The following ZC3H12B variants were observed in gnomAD, a reference collection of about 807,000 sequenced individuals.
ZC3H12B encodes probable ribonuclease ZC3H12B.
In ZC3H12B, 7 loss-of-function variants were observed where a neutral mutation model predicts 43.9. The observed-to-expected ratio is 0.16, with a 90% CI of 0.09 to 0.30. ZC3H12B has a LOEUF of 0.30. Among genes scored for constraint, ZC3H12B ranks in the 10% least tolerant of loss-of-function variants. ZC3H12B has a pLI of 1.00. For missense variants in ZC3H12B, 475 were observed against 670.2 expected, an observed-to-expected ratio of 0.71 and a Z score of 3.22; for synonymous variants, 222 against 241.7, an observed-to-expected ratio of 0.92 and a Z score of 0.76.
chrX:65,317,243 T>A, the ZC3H12B span, among the ~76,000 whole-genome samples: 1 of 90,081 alleles, frequency 1.1e-5, no homozygotes. Flanking sequence ...CATCAAACAA[T>A]CCTCAACCAA....
chrX:65,417,781 C>T (rs750605274), intron 3 of ZC3H12B, among the ~76,000 whole-genome samples: 18 of 112,982 alleles, frequency 1.6e-4, no homozygotes, highest in Non-Finnish European at 3.0e-4. Flanking sequence ...CTGAGCATTT[C>T]ATTCTTTCAG....
intron 2 of ZC3H12B, among the ~76,000 whole-genome samples, chrX:65,389,549 C>A (rs190666660): frequency 1.2e-4 from 13 of 112,631 alleles, no homozygotes; most frequent in African/African-American, 4.2e-4. Flanking sequence ...ATTTCTTTGA[C>A]TAGGAAAGGG....
the ZC3H12B span, among the ~76,000 whole-genome samples, chrX:65,088,558 T>C: frequency 8.9e-6 from 1 of 111,974 alleles, no homozygotes; most frequent in African/African-American, 3.2e-5. Context: ...ATGTGTTCTT[T>C]TTCAGCTTCT....
At chrX:65,199,636 C>T in the ZC3H12B span, among the ~76,000 whole-genome samples, 1 of 110,890 alleles carries the variant, frequency 9.0e-6, no homozygotes, top group Non-Finnish European at 1.9e-5. Flanking sequence ...GTGTTGTTCT[C>T]CACTATGTGT....
the ZC3H12B span, among the ~76,000 whole-genome samples, chrX:65,354,939 C>T: frequency 1.8e-5 from 2 of 111,526 alleles, no homozygotes; most frequent in African/African-American, 3.3e-5. Context: ...ATGAACAAAG[C>T]CTCCAAGAAA....
chrX:65,354,909 G>C, the ZC3H12B span, among the ~76,000 whole-genome samples: 1 of 111,428 alleles, frequency 9.0e-6, no homozygotes, highest in African/African-American at 3.3e-5. Context: ...GACAAGATTA[G>C]AGAAAAAAAA....
At chrX:65,412,541 C>A (rs1480856524) in intron 3 of ZC3H12B, among the ~76,000 whole-genome samples, 1 of 111,733 alleles carries the variant, frequency 8.9e-6, no homozygotes, top group Admixed American at 9.5e-5. Context: ...AATCACAGCT[C>A]ACTGCAACCT....
chrX:65,075,812 G>A, the ZC3H12B span, among the ~76,000 whole-genome samples: 10 of 111,878 alleles, frequency 8.9e-5, no homozygotes, highest in South Asian at 3.7e-4. Context: ...CATGTTGGAC[G>A]TATGTTTCAG....
the ZC3H12B span, among the ~76,000 whole-genome samples, chrX:65,087,801 A>G: frequency 8.9e-6 from 1 of 112,102 alleles, no homozygotes; most frequent in Non-Finnish European, 1.9e-5. Flanking sequence ...AACTTCAGAA[A>G]TACTTGGGAA....
intron 3 of ZC3H12B, among the ~76,000 whole-genome samples, chrX:65,471,213 G>A (rs2067907525): frequency 9.0e-6 from 1 of 110,942 alleles, no homozygotes; most frequent in African/African-American, 3.3e-5. Flanking sequence ...CCAGAGCTAA[G>A]TACATATATC....
chrX:65,499,859 C>T, intron 3 of ZC3H12B, 24 bp from the exon 9 acceptor site: 1 of 1,154,790 alleles, frequency 8.7e-7, no homozygotes, highest in East Asian at 3.0e-5. Flanking sequence ...GGAAGACAGT[C>T]ACCTCTTGCT....
At chrX:65,125,022 G>T in the ZC3H12B span, among the ~76,000 whole-genome samples, 30 of 110,024 alleles carry the variant, frequency 2.7e-4, no homozygotes, top group Admixed American at 5.8e-4. Context: ...TTCTTCTGCT[G>T]GCTTTGGGTT....
chrX:65,057,565 A>G, the ZC3H12B span, among the ~76,000 whole-genome samples: 26 of 110,790 alleles, frequency 2.3e-4, no homozygotes, highest in African/African-American at 7.9e-4. Flanking sequence ...TCTGTCTTGG[A>G]GTTGCTCTTC....
chrX:65,074,268 AG>A, the ZC3H12B span, among the ~76,000 whole-genome samples: 36 of 107,523 alleles, frequency 3.3e-4, no homozygotes, highest in Non-Finnish European at 6.3e-4. Flanking sequence ...ATTAGTTAAC[AG>A]GTTTTTTTTT....
the ZC3H12B span, among the ~76,000 whole-genome samples, chrX:65,081,835 T>C: frequency 8.9e-6 from 1 of 112,005 alleles, no homozygotes; most frequent in Non-Finnish European, 1.9e-5. Flanking sequence ...TACACATTCT[T>C]TTTCTCAGCA....
At chrX:65,407,218 G>A (rs1185994625) in intron 3 of ZC3H12B, among the ~76,000 whole-genome samples, 9 of 112,846 alleles carry the variant, frequency 8.0e-5, no homozygotes, top group Non-Finnish European at 1.5e-4. Flanking sequence ...CGGCCGGGCC[G>A]GCCGTGCAGG....
the ZC3H12B span, among the ~76,000 whole-genome samples, chrX:65,045,287 T>C: frequency 8.9e-6 from 1 of 112,191 alleles, no homozygotes; most frequent in Non-Finnish European, 1.9e-5. Context: ...CTGTAGCATG[T>C]GATGCTGCTT....
intron 3 of ZC3H12B, among the ~76,000 whole-genome samples, chrX:65,407,301 C>T (rs2066841506): frequency 1.3e-5 from 1 of 77,960 alleles, no homozygotes; most frequent in Admixed American, 1.4e-4. Flanking sequence ...CGGGACTGCT[C>T]TCGGTGGAGT....
the ZC3H12B span, among the ~76,000 whole-genome samples, chrX:65,345,921 T>C: frequency 2.7e-5 from 3 of 110,605 alleles, no homozygotes; most frequent in African/African-American, 9.9e-5. Context: ...AAGAAGTGAA[T>C]GATCTCTCCA....
Sources: gnomAD v4.1 joint callset for allele counts (sites outside exome capture counted in the v4.1 genomes callset) on GRCh38, gnomAD v4.1.1 for gene constraint, MANE v1.5 for transcripts, NCBI Gene and HGNC (gene_info 2026-07-23, HGNC 2026-07-21) for gene names.